Variants in NAV2 observed in about 807,000 individuals in gnomAD.
The protein encoded by NAV2 is neuron navigator 2, also known as helicase, APC down-regulated 1.
In NAV2, 54 loss-of-function variants were observed where a neutral mutation model predicts 223.2. The ratio of observed to expected loss-of-function variants is 0.24; its 90% CI spans 0.19 to 0.30. The LOEUF (loss-of-function observed/expected upper bound fraction) is 0.30, where lower values mean the gene tolerates loss of function less well. Among genes scored for constraint, NAV2 ranks in the 10% least tolerant of loss-of-function variants. The pLI is 1.00. For missense variants in NAV2, 2,806 were observed against 3,147.5 expected, an observed-to-expected ratio of 0.89 and a Z score of 2.60; for synonymous variants, 1,279 against 1,239.3, an observed-to-expected ratio of 1.03 and a Z score of -0.67.
chr11:20,060,799 G>A (rs2058656408), intron 19 of NAV2, among the ~76,000 whole-genome samples: 1 of 152,256 alleles, frequency 6.6e-6, no homozygotes, highest in Non-Finnish European at 1.5e-5. Context: ...GGAAAGTACT[G>A]TCTAGGGCAA....
At chr11:19,949,172 G>C (rs1462007389) in intron 10 of NAV2, 92 bp downstream of exon 10, 3 of 1,384,002 alleles carry the variant, frequency 2.2e-6, no homozygotes, top group Non-Finnish European at 2.9e-6. Context: ...TCTTCTGGAG[G>C]AGGTCAAACT....
At chr11:19,772,727 T>C (rs562347553) in intron 1 of NAV2, among the ~76,000 whole-genome samples, 7 of 152,300 alleles carry the variant, frequency 4.6e-5, no homozygotes, top group Non-Finnish European at 7.4e-5. Context: ...CCTTGCCTCA[T>C]GTGTGGGTGG....
At chr11:19,716,117 G>A (rs2152332142) in intron 1 of NAV2, among the ~76,000 whole-genome samples, 2 of 152,288 alleles carry the variant, frequency 1.3e-5, no homozygotes. Flanking sequence ...CCATCTGGTA[G>A]TTTCCAGGTC....
chr11:20,048,050 G>A (rs1344301147), intron 14 of NAV2, among the ~76,000 whole-genome samples: 1 of 152,158 alleles, frequency 6.6e-6, no homozygotes, highest in Non-Finnish European at 1.5e-5. Flanking sequence ...GCATTTCTGT[G>A]TGTCTGTCAC....
chr11:19,726,046 G>A (rs1399677756), intron 1 of NAV2, among the ~76,000 whole-genome samples: 1 of 152,204 alleles, frequency 6.6e-6, no homozygotes, highest in East Asian at 1.9e-4. Context: ...GTTCTGCGGT[G>A]TGTTGCCTTT....
intron 1 of NAV2, among the ~76,000 whole-genome samples, chr11:19,671,449 G>T (rs780054096): frequency 2.6e-5 from 4 of 152,144 alleles, no homozygotes; most frequent in African/African-American, 9.7e-5. Flanking sequence ...GCTCTGTGGA[G>T]TCTCTCTGAG....
At chr11:19,553,768 T>C (rs1565044262) in intron 1 of NAV2, among the ~76,000 whole-genome samples, 1 of 152,248 alleles carries the variant, frequency 6.6e-6, no homozygotes, top group Non-Finnish European at 1.5e-5. Flanking sequence ...ATTCCCTTTC[T>C]GGGGAGACAC....
chr11:19,798,088 C>G (rs1250885032), intron 1 of NAV2, among the ~76,000 whole-genome samples: 3 of 152,130 alleles, frequency 2.0e-5, no homozygotes, highest in African/African-American at 7.2e-5. Flanking sequence ...GACACACATT[C>G]CAGACCCACC....
At chr11:19,987,382 A>G (rs371530406) in intron 11 of NAV2, among the ~76,000 whole-genome samples, 2 of 152,232 alleles carry the variant, frequency 1.3e-5, no homozygotes, top group African/African-American at 4.8e-5. Flanking sequence ...ATTCACACAT[A>G]AGCAATAGAC....
At chr11:19,865,523 A>G (rs981857283) in intron 3 of NAV2, among the ~76,000 whole-genome samples, 8 of 152,184 alleles carry the variant, frequency 5.3e-5, no homozygotes, top group African/African-American at 1.9e-4. Flanking sequence ...CCTGGGGTGC[A>G]GATGAAAGAG....
intron 1 of NAV2, among the ~76,000 whole-genome samples, chr11:19,475,353 A>G (rs964482496): frequency 3.3e-5 from 5 of 152,240 alleles, no homozygotes; most frequent in African/African-American, 1.2e-4. Flanking sequence ...AAATCATGAA[A>G]TGCAAATACT....
intron 3 of NAV2, among the ~76,000 whole-genome samples, chr11:19,844,277 G>T (rs2060663555): frequency 1.3e-5 from 2 of 152,216 alleles, no homozygotes; most frequent in Non-Finnish European, 2.9e-5. Flanking sequence ...TGAAACAGAT[G>T]CATTATTTCC....
intron 11 of NAV2, among the ~76,000 whole-genome samples, chr11:19,985,678 G>C (rs974503593): frequency 3.3e-5 from 5 of 152,106 alleles, no homozygotes; most frequent in Admixed American, 3.3e-4. Flanking sequence ...CCGGGTTCAA[G>C]CAATTCTCCT....
intron 10 of NAV2, among the ~76,000 whole-genome samples, chr11:19,952,247 A>T (rs1485284755): frequency 6.6e-6 from 1 of 152,236 alleles, no homozygotes; most frequent in Non-Finnish European, 1.5e-5. Flanking sequence ...GTGAAAGGGA[A>T]ATAGACTGGG....
chr11:19,997,991 T>C (rs1333367663), intron 11 of NAV2, among the ~76,000 whole-genome samples: 1 of 152,126 alleles, frequency 6.6e-6, no homozygotes, highest in Non-Finnish European at 1.5e-5. Context: ...AACATGCCTT[T>C]GGAACAATAA....
intron 5 of NAV2, among the ~76,000 whole-genome samples, chr11:19,888,905 C>G (rs1386016759): frequency 6.6e-6 from 1 of 152,162 alleles, no homozygotes; most frequent in Non-Finnish European, 1.5e-5. Context: ...TCATTTCCTT[C>G]TCTGAATACC....
At chr11:19,729,847 A>C (rs890455236) in intron 1 of NAV2, among the ~76,000 whole-genome samples, 1 of 152,122 alleles carries the variant, frequency 6.6e-6, no homozygotes, top group African/African-American at 2.4e-5. Context: ...TAGGAGAGCA[A>C]ATTTTGGGGG....
At chr11:19,666,718 A>T (rs1590059994) in intron 1 of NAV2, among the ~76,000 whole-genome samples, 1 of 152,114 alleles carries the variant, frequency 6.6e-6, no homozygotes, top group South Asian at 2.1e-4. Flanking sequence ...TTGCCCTTGA[A>T]TGTCCCTCTT....
At chr11:19,642,896 G>T (rs2047704989) in intron 1 of NAV2, among the ~76,000 whole-genome samples, 1 of 152,144 alleles carries the variant, frequency 6.6e-6, no homozygotes, top group Non-Finnish European at 1.5e-5. Flanking sequence ...CGAGAAAGTG[G>T]GCAGCTTGCA....
Sources: gnomAD v4.1 joint callset for allele counts (sites outside exome capture counted in the v4.1 genomes callset) on GRCh38, gnomAD v4.1.1 for gene constraint, MANE v1.5 for transcripts, NCBI Gene and HGNC (gene_info 2026-07-23, HGNC 2026-07-21) for gene names.